SDK1: variants seen among roughly 807,000 people sequenced by gnomAD.
The protein encoded by SDK1 is sidekick cell adhesion molecule 1.
In SDK1, 157 loss-of-function variants were observed where a neutral mutation model predicts 245.5. That is an observed-to-expected ratio of 0.64 (90% CI 0.56 to 0.73). The LOEUF is 0.73. SDK1 is among the 30% of genes least tolerant of loss of function. SDK1 has a pLI of 0.00. For synonymous variants in SDK1, 1,647 were observed against 1,278.5 expected, an observed-to-expected ratio of 1.29 and a Z score of -6.15; for missense variants, 3,583 against 3,002.3, an observed-to-expected ratio of 1.19 and a Z score of -4.52.
intron 30 of SDK1, among the ~76,000 whole-genome samples, chr7:4,152,803 G>A (rs1315818475): frequency 1.3e-5 from 2 of 152,206 alleles, no homozygotes; most frequent in Non-Finnish European, 2.9e-5. Flanking sequence ...TGAGTATCCA[G>A]AAAACATTAA....
intron 1 of SDK1, among the ~76,000 whole-genome samples, chr7:3,615,725 C>G (rs958065242): frequency 7.3e-5 from 11 of 151,586 alleles, no homozygotes; most frequent in African/African-American, 2.7e-4. Context: ...AATCTTTTTC[C>G]CACCTAACTA....
intron 14 of SDK1, among the ~76,000 whole-genome samples, chr7:4,000,049 G>A (rs1784960266): frequency 6.6e-6 from 1 of 152,214 alleles, no homozygotes; most frequent in African/African-American, 2.4e-5. Flanking sequence ...GGCTCAGAGA[G>A]TGAAGGAAAG....
At chr7:3,598,713 G>A (rs2341583) in intron 1 of SDK1, among the ~76,000 whole-genome samples, 52,831 of 152,102 alleles carry the variant, frequency 0.35, 9,775 homozygotes, top group South Asian at 0.49. Flanking sequence ...ATCACACTGT[G>A]TGTGACCTTT....
chr7:3,988,671 C>A (rs1176055611), intron 14 of SDK1, among the ~76,000 whole-genome samples: 1 of 152,184 alleles, frequency 6.6e-6, no homozygotes, highest in African/African-American at 2.4e-5. Context: ...ATGTTCCTTC[C>A]CCTGGAAACC....
At chr7:4,248,861 A>G (rs1787100002) in intron 44 of SDK1, among the ~76,000 whole-genome samples, 1 of 152,148 alleles carries the variant, frequency 6.6e-6, no homozygotes, top group Non-Finnish European at 1.5e-5. Context: ...ATGCATATAT[A>G]CACGTGCATG....
chr7:3,662,014 T>C (rs4722997), intron 4 of SDK1, among the ~76,000 whole-genome samples: 38,253 of 151,496 alleles, frequency 0.25, 5,213 homozygotes, highest in South Asian at 0.31. Context: ...CTCAAATGTT[T>C]CAAATAGAGG....
At chr7:4,155,042 C>T (rs905594856) in intron 30 of SDK1, among the ~76,000 whole-genome samples, 3 of 151,778 alleles carry the variant, frequency 2.0e-5, no homozygotes, top group Non-Finnish European at 4.4e-5. Context: ...GGAGGTGAGG[C>T]AGGTTGGGGT....
intron 5 of SDK1, among the ~76,000 whole-genome samples, chr7:3,870,645 C>T (rs1401702005): frequency 6.6e-6 from 1 of 151,946 alleles, no homozygotes; most frequent in African/African-American, 2.4e-5. Flanking sequence ...CAGAAGGTTC[C>T]CATATACCCT....
intron 30 of SDK1, among the ~76,000 whole-genome samples, chr7:4,157,430 GC>G (rs1562899574): frequency 1.9e-4 from 11 of 59,254 alleles, no homozygotes; most frequent in African/African-American, 7.0e-4. Flanking sequence ...GGGAAGGAAG[GC>G]AAGAGAAAAG....
chr7:4,243,420 C>G (rs1786650501), intron 43 of SDK1, among the ~76,000 whole-genome samples: 4 of 152,226 alleles, frequency 2.6e-5, no homozygotes, highest in Non-Finnish European at 5.9e-5. Flanking sequence ...CTGTATTCAT[C>G]TGTCCTCACG....
chr7:4,066,468 C>T (rs1202675049), intron 19 of SDK1, among the ~76,000 whole-genome samples: 1 of 152,186 alleles, frequency 6.6e-6, no homozygotes, highest in Non-Finnish European at 1.5e-5. Flanking sequence ...CGCCAGCCTC[C>T]CCAAAAGCGT....
At chr7:4,046,509 G>T (rs760401031) in intron 17 of SDK1, among the ~76,000 whole-genome samples, 1 of 152,046 alleles carries the variant, frequency 6.6e-6, no homozygotes, top group African/African-American at 2.4e-5. Context: ...TCTAGATTTT[G>T]TCTTATTTTG....
chr7:3,766,477 A>G (rs1268546654), intron 4 of SDK1, among the ~76,000 whole-genome samples: 3 of 152,162 alleles, frequency 2.0e-5, no homozygotes, highest in Admixed American at 6.5e-5. Flanking sequence ...CAGTTTTCTT[A>G]TCTAGCAAAT....
At chr7:3,388,521 T>G (rs959307322) in intron 1 of SDK1, among the ~76,000 whole-genome samples, 1 of 152,116 alleles carries the variant, frequency 6.6e-6, no homozygotes, top group African/African-American at 2.4e-5. Context: ...CCATCTTAGC[T>G]TCCCAAAGAA....
chr7:3,535,056 C>A (rs946098937), intron 1 of SDK1, among the ~76,000 whole-genome samples: 1 of 152,044 alleles, frequency 6.6e-6, no homozygotes, highest in Non-Finnish European at 1.5e-5. Flanking sequence ...GGCGGATCAC[C>A]TGAGGTCAGG....
intron 1 of SDK1, among the ~76,000 whole-genome samples, chr7:3,438,481 T>C (rs985701091): frequency 2.6e-5 from 4 of 152,198 alleles, no homozygotes; most frequent in Non-Finnish European, 4.4e-5. Context: ...TTATCTGTGC[T>C]GTCTACACAG....
intron 1 of SDK1, among the ~76,000 whole-genome samples, chr7:3,316,825 T>C (rs959584186): frequency 1.3e-5 from 2 of 152,134 alleles, no homozygotes; most frequent in African/African-American, 2.4e-5. Context: ...TGTATCCCCC[T>C]TTTTTGCTTA....
chr7:4,265,456 A>G lies in SDK1; in HGVS notation c.*72A>G. On this transcript the variant is annotated 3_prime_UTR_variant, in exon 45 of 45. Coordinates refer to ENST00000404826, the MANE Select transcript of SDK1 (RefSeq NM_152744.4). Reference sequence around the variant, plus strand: ...GAGTCTATTTTTGTTAAGACAATCAACTCCAATAACTGAGCTGAAGTTTTT... The same window carrying G: ...GAGTCTATTTTTGTTAAGACAATCAGCTCCAATAACTGAGCTGAAGTTTTT... 5 of 1,387,044 alleles carry G rather than the reference A, an allele frequency of 3.6e-6. No homozygotes were observed. The highest frequency in any genetic ancestry group is 4.6e-6 in the Non-Finnish European group (5 of 1,078,472). 85.9% of individuals were successfully genotyped at this position (1,387,044 alleles called of 1,614,324 possible).
chr7:3,829,330 C>T (rs1389200651), intron 5 of SDK1, among the ~76,000 whole-genome samples: 1 of 152,126 alleles, frequency 6.6e-6, no homozygotes, highest in Non-Finnish European at 1.5e-5. Context: ...CATGAGAGTA[C>T]TGTTGATGAC....
Sources: allele counts gnomAD v4.1 joint callset (sites outside exome capture counted in the v4.1 genomes callset), GRCh38; gene constraint gnomAD v4.1.1; transcripts MANE v1.5; gene names NCBI Gene and HGNC (gene_info 2026-07-23, HGNC 2026-07-21).